Variants in KDM3B observed in about 807,000 individuals in gnomAD.
KDM3B encodes lysine-specific demethylase 3B.
A neutral mutation model predicts 170.0 loss-of-function variants in KDM3B; 10 were observed. The ratio of observed to expected loss-of-function variants is 0.06; its 90% CI spans 0.04 to 0.10. KDM3B has a LOEUF of 0.10. Among genes scored for constraint, KDM3B ranks in the 10% least tolerant of loss-of-function variants. The probability of loss-of-function intolerance (pLI) is 1.00; values close to 1 mark genes in which losing one functional copy is unlikely to be tolerated. For synonymous variants in KDM3B, 831 were observed against 834.8 expected (o/e 1.00, Z 0.08); for missense variants, 1,394 against 2,195.2 (o/e 0.64, Z 7.29).
At chr5:138,364,378 G>A (rs1194083318) in intron 1 of KDM3B, among the ~76,000 whole-genome samples, 2 of 152,186 alleles carry the variant, frequency 1.3e-5, no homozygotes, top group South Asian at 2.1e-4. Context: ...TCTTATGAAC[G>A]TAATTTTTTT....
chr5:138,357,901 G>A (rs965306461), intron 1 of KDM3B, among the ~76,000 whole-genome samples: 2 of 151,698 alleles, frequency 1.3e-5, no homozygotes, highest in African/African-American at 4.8e-5. Flanking sequence ...TGGCCAGGCT[G>A]GTCTGGAACT....
chr5:138,411,351 G>A (rs1298566933), intron 11 of KDM3B, among the ~76,000 whole-genome samples: 1 of 152,006 alleles, frequency 6.6e-6, no homozygotes, highest in East Asian at 1.9e-4. Context: ...TATAATATTG[G>A]GATAAAGAAT....
chr5:138,397,099 G>T (rs1040054956), intron 9 of KDM3B, among the ~76,000 whole-genome samples: 2 of 152,192 alleles, frequency 1.3e-5, no homozygotes, highest in African/African-American at 4.8e-5. Flanking sequence ...GGGAGGCCGA[G>T]GCAGGTGGAT....
At chr5:138,377,579 G>A (rs991778163) in intron 3 of KDM3B, 141 bp from the exon 4 acceptor site, 7 of 575,182 alleles carry the variant, frequency 1.2e-5, no homozygotes, top group African/African-American at 5.7e-5. Flanking sequence ...TGATCACCAC[G>A]CCTAGCCTGA....
chr5:138,432,204 G>C (rs2240332), intron 23 of KDM3B, among the ~76,000 whole-genome samples: 38,903 of 152,164 alleles, frequency 0.26, 6,089 homozygotes, highest in South Asian at 0.4. Context: ...TTTCTGAGAA[G>C]AAATATTGCG....
chr5:138,391,705 C>T lies in KDM3B; in HGVS notation c.2073C>T (p.Pro691=). The change falls in exon 8 of 24, where the codon CCC becomes CCT. Residue 691 remains proline, a synonymous_variant. Coordinates refer to ENST00000314358, the MANE Select transcript of KDM3B (RefSeq NM_016604.4). This position sits in a 1 kb window ranked among gnomAD's most constrained non-coding sequence, Gnocchi z 5.0. ...CGGCATCTTTAGCAAAGAAGAAACCCCTCTTCATTACAACTGACTCCTCCA... is the reference window on the plus strand; with the variant it reads ...CGGCATCTTTAGCAAAGAAGAAACCTCTCTTCATTACAACTGACTCCTCCA... The part of the protein sequence containing the change: ...ADSASLAKKK[P]LFITTDSSKL... The T allele has an allele frequency of 3.7e-6, 6 of 1,614,034 alleles. No homozygotes were observed. The highest frequency in any genetic ancestry group is 5.1e-6 in the Non-Finnish European group (6 of 1,180,034).
At chr5:138,357,973 C>T (rs1174621215) in intron 1 of KDM3B, among the ~76,000 whole-genome samples, 2 of 151,258 alleles carry the variant, frequency 1.3e-5, no homozygotes, top group African/African-American at 4.9e-5. Flanking sequence ...AGGTGTGAGC[C>T]ACCGTGCCTG....
chr5:138,360,060 A>C (rs1260184784), intron 1 of KDM3B, among the ~76,000 whole-genome samples: 1 of 152,040 alleles, frequency 6.6e-6, no homozygotes, highest in Non-Finnish European at 1.5e-5. Context: ...ACTCTAAAAT[A>C]CCTCTCTATT....
At chr5:138,428,639 A>G (rs919532400) in intron 20 of KDM3B, among the ~76,000 whole-genome samples, 4 of 152,154 alleles carry the variant, frequency 2.6e-5, no homozygotes, top group Non-Finnish European at 4.4e-5. Flanking sequence ...TACTTTGCGT[A>G]TCTTTGACTA....
At position 138,362,611 on chromosome 5, in the gene KDM3B, G is replaced by A. The variant is rs576868004; in HGVS notation, c.192+9624G>A. On this transcript the variant is annotated intron_variant, in intron 1 of 23. Transcript: ENST00000314358. ...AAAATATCTTAAGTGAATAGTGTACGTGGTTTACTCTCCCCTAAGTTGCCT... is the reference window on the plus strand; with the variant it reads ...AAAATATCTTAAGTGAATAGTGTACATGGTTTACTCTCCCCTAAGTTGCCT... Among the ~76,000 whole-genome samples, 3 of 150,692 alleles carry A rather than the reference G, an allele frequency of 2.0e-5. No homozygotes were observed. The South Asian group carries it at 6.3e-4, about 31-fold the overall frequency.
chr5:138,370,252 C>T lies in KDM3B; in HGVS notation c.193-2422C>T, dbSNP rs182980133. Among the ~76,000 whole-genome samples, 270 of 152,208 alleles carry T rather than the reference C, an allele frequency of 1.8e-3. 2 individuals are homozygous for T. Among genetic ancestry groups the T allele is most frequent in the Non-Finnish European group, 3.1e-3 (211 of 68,010 alleles). ...ATCTTTTTATTAAGTAGAAATGAAG[C>T]TTACTTTTCTCATTGCTAATTTCTT... On this transcript the variant is annotated intron_variant, in intron 1 of 23. Transcript: ENST00000314358.
chr5:138,433,412 T>C (rs1004007160), intron 23 of KDM3B, among the ~76,000 whole-genome samples: 3 of 149,554 alleles, frequency 2.0e-5, no homozygotes. Context: ...TGCGGCTGTT[T>C]TTTTTTTTTT....
At chr5:138,389,508 AT>A (rs978086324) in intron 7 of KDM3B, among the ~76,000 whole-genome samples, 30 of 152,286 alleles carry the variant, frequency 2.0e-4, no homozygotes, top group African/African-American at 5.1e-4. Flanking sequence ...ATTCTGTGGC[AT>A]TTAGTACATT....
intron 9 of KDM3B, among the ~76,000 whole-genome samples, chr5:138,397,120 G>A (rs532901688): frequency 6.6e-6 from 1 of 152,044 alleles, no homozygotes; most frequent in African/African-American, 2.4e-5. Flanking sequence ...CACAAGGTCG[G>A]GAGATCGAGA....
intron 23 of KDM3B, among the ~76,000 whole-genome samples, chr5:138,435,127 T>A (rs1763640325): frequency 6.6e-6 from 1 of 152,188 alleles, no homozygotes; most frequent in African/African-American, 2.4e-5. Flanking sequence ...TCAGAAAACA[T>A]ATAAGCACGA....
At position 138,358,302 on chromosome 5, in the gene KDM3B, C is replaced by CTTTTTTTTTTTTTTTTTTTTTTT. The variant is rs201804669; in HGVS notation, c.192+5318_192+5319insTTTTTTTTTTTTTTTTTTTTTTT. Among the ~76,000 whole-genome samples the CTTTTTTTTTTTTTTTTTTTTTTT allele has an allele frequency of 1.8e-5, 2 of 109,804 alleles. 1 individual carries two copies. Among genetic ancestry groups the CTTTTTTTTTTTTTTTTTTTTTTT allele is most frequent in the Non-Finnish European group, 3.6e-5 (2 of 55,284 alleles). 72.0% of individuals were successfully genotyped at this position (109,804 alleles called of 152,430 possible). A position where few individuals can be genotyped will look rare whatever the true frequency, so the allele number is the denominator to read the frequency against. On this transcript the variant is annotated intron_variant, in intron 1 of 23. Transcript: ENST00000314358. ...CGGCGGGAATTTTTTTTCTTTCTTT[C>CTTTTTTTTTTTTTTTTTTTTTTT]TTTCTTTTTTTTTTTTTTTTGAGAC...
intron 22 of KDM3B, 105 bp downstream of exon 22, chr5:138,430,530 C>G: frequency 1.1e-6 from 1 of 952,234 alleles, no homozygotes; most frequent in Non-Finnish European, 1.6e-6. Flanking sequence ...TTGGACTGAT[C>G]TCTCTTATGC....
chr5:138,401,080 G>A (rs568240806), intron 11 of KDM3B, among the ~76,000 whole-genome samples: 2 of 152,100 alleles, frequency 1.3e-5, no homozygotes, highest in South Asian at 4.2e-4. Flanking sequence ...AGACCAGCCT[G>A]GCCAATATGG....
rs1408763567 is a variant in KDM3B, at chr5:138,399,870, A to G, written c.3057A>G (p.Ala1019=). 1.2e-6 allele frequency: 2 copies of G among 1,612,258 alleles called. No individual in the cohort carries two copies. The highest frequency in any genetic ancestry group is 8.5e-7 in the Non-Finnish European group (1 of 1,178,640). The part of the protein sequence containing the change: ...MMMVEPHQKV[A]WKRAVRGVRE... ...TCCTCTTTCCACCAGAGAAAGTGGCATGGAAGCGAGCTGTGCGTGGTGTAC... is the reference window on the plus strand; with the variant it reads ...TCCTCTTTCCACCAGAGAAAGTGGCGTGGAAGCGAGCTGTGCGTGGTGTAC... The change falls in exon 11 of 24, where the codon GCA becomes GCG. Residue 1019 remains alanine (A), a synonymous_variant. Coordinates refer to ENST00000314358, the MANE Select transcript of KDM3B (RefSeq NM_016604.4).
Sources: allele counts gnomAD v4.1 joint callset (sites outside exome capture counted in the v4.1 genomes callset), GRCh38; gene constraint gnomAD v4.1.1; non-coding constraint Gnocchi (gnomAD v3.1); transcripts MANE v1.5; gene names NCBI Gene and HGNC (gene_info 2026-07-23, HGNC 2026-07-21).